Variants in TC2N observed in about 807,000 individuals in gnomAD.
TC2N encodes tandem C2 domains, nuclear.
A neutral mutation model predicts 61.9 loss-of-function variants in TC2N; 51 were observed. The ratio of observed to expected loss-of-function variants is 0.82; its 90% CI spans 0.66 to 1.04. TC2N has a LOEUF of 1.04. Ranked by LOEUF, TC2N falls within the 50% of genes least tolerant of loss-of-function variation. TC2N has a pLI of 0.00. For missense variants in TC2N, 556 were observed against 566.7 expected, an observed-to-expected ratio of 0.98 and a Z score of 0.19; for synonymous variants, 204 against 192.6, an observed-to-expected ratio of 1.06 and a Z score of -0.49.
chr14:91,803,119 C>T (rs1408840107), intron 3 of TC2N, among the ~76,000 whole-genome samples: 1 of 151,950 alleles, frequency 6.6e-6, no homozygotes, highest in Non-Finnish European at 1.5e-5. Flanking sequence ...TAAGGTGGCA[C>T]TGCACAAGAA....
chr14:91,845,200 C>A (rs1478691001), intron 1 of TC2N, among the ~76,000 whole-genome samples: 1 of 151,484 alleles, frequency 6.6e-6, no homozygotes, highest in Non-Finnish European at 1.5e-5. Context: ...TGCATTCCAG[C>A]CTGGGCAGCA....
intron 1 of TC2N, among the ~76,000 whole-genome samples, chr14:91,849,806 G>A (rs1888337279): frequency 3.3e-5 from 5 of 152,204 alleles, no homozygotes; most frequent in Admixed American, 3.3e-4. Context: ...CCAGCACTTT[G>A]GGAGGCCAAG....
intron 3 of TC2N, among the ~76,000 whole-genome samples, chr14:91,804,991 T>C (rs932005386): frequency 8.5e-5 from 13 of 152,240 alleles, no homozygotes; most frequent in African/African-American, 2.9e-4. Flanking sequence ...GTCAAATTCC[T>C]TTCAAGGTTA....
intron 1 of TC2N, among the ~76,000 whole-genome samples, chr14:91,832,367 G>A (rs1278646738): frequency 2.5e-5 from 3 of 120,278 alleles, no homozygotes; most frequent in African/African-American, 6.3e-5. Flanking sequence ...TCCAGCATGG[G>A]CAATAAGAGC....
chr14:91,819,003 A>G (rs1402609544), intron 1 of TC2N, among the ~76,000 whole-genome samples: 1 of 152,128 alleles, frequency 6.6e-6, no homozygotes, highest in African/African-American at 2.4e-5. Flanking sequence ...TGATAACTAC[A>G]AACCACAGAT....
intron 1 of TC2N, among the ~76,000 whole-genome samples, chr14:91,835,044 A>G (rs1442657972): frequency 6.6e-6 from 1 of 152,102 alleles, no homozygotes; most frequent in African/African-American, 2.4e-5. Context: ...TCTCAAACTC[A>G]TTTTCTCTCC....
chr14:91,812,813 G>A (rs1254075511), intron 2 of TC2N, among the ~76,000 whole-genome samples: 3 of 151,812 alleles, frequency 2.0e-5, no homozygotes, highest in Admixed American at 6.6e-5. Flanking sequence ...AGAATTCATA[G>A]ATGGAAAACA....
chr14:91,789,633 A>C (rs1001360699), intron 9 of TC2N, among the ~76,000 whole-genome samples: 5 of 150,758 alleles, frequency 3.3e-5, no homozygotes, highest in Non-Finnish European at 7.4e-5. Flanking sequence ...CAAAAAAAAA[A>C]AACAGAGCAG....
chr14:91,798,921 C>T lies in TC2N; in HGVS notation c.637+68G>A, dbSNP rs1340670946. 2.9e-6 allele frequency: 3 copies of T among 1,039,568 alleles called. No homozygotes were observed. The African/African-American group carries it at 4.9e-5, about 17-fold the overall frequency. 64.4% of individuals were successfully genotyped at this position (1,039,568 alleles called of 1,614,324 possible). On this transcript the variant is annotated intron_variant, in intron 6 of 11. Coordinates refer to ENST00000435962, the MANE Select transcript of TC2N (RefSeq NM_001128596.3). ...TCTAGAGTTTTTCACCTTATATACA[C>T]TTTCAAGTTACTACTGAGTAGAAAT...
chr14:91,785,979 C>T (rs984798411), intron 10 of TC2N, among the ~76,000 whole-genome samples: 1 of 152,010 alleles, frequency 6.6e-6, no homozygotes, highest in Non-Finnish European at 1.5e-5. Context: ...AGCTTTTCAC[C>T]TAAGCATACT....
intron 1 of TC2N, among the ~76,000 whole-genome samples, chr14:91,832,821 C>A (rs943991956): frequency 6.6e-6 from 1 of 151,954 alleles, no homozygotes; most frequent in Admixed American, 6.6e-5. Flanking sequence ...AAAAAAAAGA[C>A]TGAAAACATC....
At chr14:91,797,983 T>C (rs1383811823) in intron 7 of TC2N, 82 bp from the exon 8 acceptor site, 2 of 964,624 alleles carry the variant, frequency 2.1e-6, no homozygotes, top group Non-Finnish European at 3.1e-6. Context: ...AGGTACTGAC[T>C]TTAGATAAAA....
chr14:91,864,522 G>T lies in TC2N; in HGVS notation c.-57+2740C>A, dbSNP rs78532797. On this transcript the variant is annotated intron_variant, in intron 1 of 11. Transcript: ENST00000435962. The stretch of plus-strand genomic sequence containing the variant: ...AGCACCTACCCTATTTTAAAGCATA[G>T]TAGCTATCGTGATACAAGCCAGTTT... Among the ~76,000 whole-genome samples, 999 of 152,250 alleles carry T rather than the reference G, an allele frequency of 6.6e-3. 30 individuals carry two copies. In the South Asian group the frequency reaches 0.082, roughly 12 times the overall value.
At chr14:91,786,608 GA>G (rs1885376150) in intron 10 of TC2N, among the ~76,000 whole-genome samples, 1 of 152,094 alleles carries the variant, frequency 6.6e-6, no homozygotes, top group South Asian at 2.1e-4. Context: ...GAATTTCTCA[GA>G]AAGTCATTTA....
chr14:91,819,803 T>C (rs935892523), intron 1 of TC2N, among the ~76,000 whole-genome samples: 1 of 152,092 alleles, frequency 6.6e-6, no homozygotes, highest in African/African-American at 2.4e-5. Context: ...ATAATTATAG[T>C]ATATGTGATG....
intron 1 of TC2N, chr14:91,866,506 G>A (rs2430338): frequency 0.86 from 131,698 of 152,266 alleles, 57,054 homozygotes; most frequent in Admixed American, 0.9. Flanking sequence ...AATTATTTAG[G>A]ATGAACGTTT....
intron 3 of TC2N, among the ~76,000 whole-genome samples, chr14:91,806,850 G>A (rs1260822107): frequency 6.6e-6 from 1 of 152,212 alleles, no homozygotes; most frequent in Non-Finnish European, 1.5e-5. Context: ...ATGTCTTCAG[G>A]CTATGTCAGA....
At chr14:91,806,512 C>T (rs563620593) in intron 3 of TC2N, among the ~76,000 whole-genome samples, 2 of 152,182 alleles carry the variant, frequency 1.3e-5, no homozygotes, top group Non-Finnish European at 2.9e-5. Context: ...TTGTTGGGAA[C>T]TGCAGTAAAA....
chr14:91,807,431 T>A (rs936585423), intron 3 of TC2N, among the ~76,000 whole-genome samples: 1 of 152,096 alleles, frequency 6.6e-6, no homozygotes, highest in Non-Finnish European at 1.5e-5. Flanking sequence ...GCCACAGGGG[T>A]GGAGCTGCCC....
Sources: allele counts gnomAD v4.1 joint callset (sites outside exome capture counted in the v4.1 genomes callset), GRCh38; gene constraint gnomAD v4.1.1; transcripts MANE v1.5; gene names NCBI Gene and HGNC (gene_info 2026-07-23, HGNC 2026-07-21).